The following R3HDM4 variants were observed in gnomAD, a reference collection of about 807,000 sequenced individuals.
R3HDM4 encodes R3H domain containing 4.
R3HDM4 carries 30 observed loss-of-function variants against 31.3 expected under a neutral mutation model. The observed-to-expected ratio is 0.96, with a 90% CI of 0.72 to 1.30. The LOEUF is 1.30. Among genes scored for constraint, R3HDM4 ranks in the 50% most tolerant of loss-of-function variants. R3HDM4 has a pLI of 0.00. For missense variants in R3HDM4, 444 were observed against 366.1 expected (o/e 1.21, Z -1.74); for synonymous variants, 196 against 156.6 (o/e 1.25, Z -1.88).
chr19:901,934 G>T (rs2036842482), intron 2 of R3HDM4, 42 bp downstream of exon 2: 2 of 1,608,378 alleles, frequency 1.2e-6, no homozygotes, highest in Non-Finnish European at 1.7e-6. Flanking sequence ...CATTCTACAA[G>T]GCCCAGGAGC....
At chr19:904,654 C>T (rs1046730111) in intron 1 of R3HDM4, among the ~76,000 whole-genome samples, 21 of 151,966 alleles carry the variant, frequency 1.4e-4, no homozygotes, top group South Asian at 4.2e-4. Context: ...GGCAACATCA[C>T]GGTCCCCGCT....
At chr19:903,390 C>T (rs1568341481) in intron 1 of R3HDM4, among the ~76,000 whole-genome samples, 1 of 152,164 alleles carries the variant, frequency 6.6e-6, no homozygotes, top group African/African-American at 2.4e-5. Context: ...ACCGAGAATC[C>T]AAGGGCCGAG....
In R3HDM4 at chr19:899,803, A is replaced by T; in HGVS notation, c.562-117T>A. The T allele has an allele frequency of 7.0e-6, 6 of 862,446 alleles. No homozygotes were observed. Among genetic ancestry groups the T allele is most frequent in the East Asian group, 5.3e-5 (2 of 37,470 alleles). The allele number at this position is 862,446 out of a possible 1,614,324, so 53.4% of individuals were successfully genotyped here. ...GCTCAAACATGACCTCTGACCCACC[A>T]CGTGAGGCTGCTTAAGTGTCTCTGA... On this transcript the variant is annotated intron_variant, in intron 5 of 7. Transcript: ENST00000361574. This position sits in a 1 kb window ranked among gnomAD's most constrained non-coding sequence, Gnocchi z 6.8.
At position 907,567 on chromosome 19, in the gene R3HDM4, A is replaced by G. The variant is rs1340208164; in HGVS notation, c.72-5437T>C. 6.6e-6 allele frequency among the ~76,000 whole-genome samples: 1 copy of G among 152,082 alleles called. No homozygotes were observed. Among genetic ancestry groups the G allele is most frequent in the Non-Finnish European group, 1.5e-5 (1 of 67,988 alleles). On this transcript the variant is annotated intron_variant, in intron 1 of 7. Transcript: ENST00000361574. This position sits in a 1 kb window ranked among gnomAD's most constrained non-coding sequence, Gnocchi z 4.1. ...GTGGGGCTGTCCCCCGTCACCACCC[A>G]GACAATGCAAGGAGCTGGATGTGAA...
In R3HDM4 at chr19:897,220, T is replaced by G; in HGVS notation, c.*217A>C. On this transcript the variant is annotated 3_prime_UTR_variant, in exon 8 of 8. Transcript: ENST00000361574. ...CCCCACCCAAACACAAGTCCCGGAG[T>G]GGGAAGCTTGGAGCTGGGATGGCAT... 6.1e-6 allele frequency: 3 copies of G among 493,992 alleles called. No homozygotes were observed. Among genetic ancestry groups the G allele is most frequent in the South Asian group, 3.2e-5 (1 of 31,740 alleles). The allele number at this position is 493,992 out of a possible 1,614,324, so 30.6% of individuals were successfully genotyped here.
At chr19:905,804 A>C (rs2036896578) in intron 1 of R3HDM4, among the ~76,000 whole-genome samples, 1 of 152,186 alleles carries the variant, frequency 6.6e-6, no homozygotes, top group African/African-American at 2.4e-5. Flanking sequence ...ATGAAAAGTC[A>C]TCAGAACAAA....
At chr19:901,237 G>A in intron 3 of R3HDM4, 185 bp downstream of exon 3, 1 of 705,778 alleles carries the variant, frequency 1.4e-6, no homozygotes, top group Non-Finnish European at 2.3e-6. Context: ...GGAGCTCGAA[G>A]GTTCCAGGGG....
rs897493460 is a variant in R3HDM4, at chr19:904,562, G to T, written c.72-2432C>A. On this transcript the variant is annotated intron_variant, in intron 1 of 7. Transcript: ENST00000361574. The stretch of plus-strand genomic sequence containing the variant: ...GATTCACTCGAGGCAAGCTGGGCGC[G>T]GTGGCTCATGCCTGTAATCCCAGAG... 3.9e-5 allele frequency among the ~76,000 whole-genome samples: 6 copies of T among 152,172 alleles called. No homozygotes were observed. The East Asian group carries it at 1.2e-3, about 29-fold the overall frequency.
chr19:904,411 G>T (rs1043867857), intron 1 of R3HDM4, among the ~76,000 whole-genome samples: 1 of 152,102 alleles, frequency 6.6e-6, no homozygotes, highest in African/African-American at 2.4e-5. Context: ...TTCCAAGAGA[G>T]CCCACAGTCG....
intron 1 of R3HDM4, among the ~76,000 whole-genome samples, chr19:903,327 G>A (rs1384567411): frequency 6.6e-6 from 1 of 151,938 alleles, no homozygotes; most frequent in Non-Finnish European, 1.5e-5. Flanking sequence ...GGCCTGGCCG[G>A]AGCAAATGGC....
chr19:912,603 G>T (rs1161500007), intron 1 of R3HDM4, among the ~76,000 whole-genome samples: 2 of 104,736 alleles, frequency 1.9e-5, no homozygotes, highest in African/African-American at 3.7e-5. Flanking sequence ...GGAGTGGGGG[G>T]AGTCGGACCC....
chr19:908,134 G>C (rs2036928773), intron 1 of R3HDM4, among the ~76,000 whole-genome samples: 1 of 152,052 alleles, frequency 6.6e-6, no homozygotes. Flanking sequence ...GGAGGTTGCA[G>C]TGAGCTGAGA....
Position 913,094 on chromosome 19 carries a change from G to GC in R3HDM4, c.63dup (p.Arg22AlafsTer119). Reference sequence around the variant, plus strand: ...CCGCCCGCCCGCGCTCACAGCAGCCGCCGCCCGCCCGGGGTGCCCTCCGCC... The same window carrying GC: ...CCGCCCGCCCGCGCTCACAGCAGCCGCCCGCCCGCCCGGGGTGCCCTCCGCC... On this transcript the variant is annotated frameshift_variant, in exon 1 of 8. Coordinates refer to ENST00000361574, the MANE Select transcript of R3HDM4 (RefSeq NM_138774.4). LOFTEE classifies it high-confidence loss of function. This position sits in a 1 kb window ranked among gnomAD's most constrained non-coding sequence, Gnocchi z 5.0. 2 of 1,063,170 alleles carry GC rather than the reference G, an allele frequency of 1.9e-6. No homozygotes were observed. The highest frequency in any genetic ancestry group is 2.3e-6 in the Non-Finnish European group (2 of 880,818). 65.9% of individuals were successfully genotyped at this position (1,063,170 alleles called of 1,614,324 possible).
intron 1 of R3HDM4, among the ~76,000 whole-genome samples, chr19:911,449 A>C (rs1199101483): frequency 6.6e-6 from 1 of 152,242 alleles, no homozygotes; most frequent in Admixed American, 6.5e-5. Flanking sequence ...GTCTCAAAAT[A>C]TTAATACTAC....
intron 1 of R3HDM4, among the ~76,000 whole-genome samples, chr19:903,676 G>T (rs1415881897): frequency 1.3e-5 from 2 of 152,208 alleles, no homozygotes; most frequent in African/African-American, 4.8e-5. Flanking sequence ...GATCCCTTGA[G>T]CCTGGGGAGT....
At position 902,128 on chromosome 19, in the gene R3HDM4, G is replaced by A. The variant is rs2036846083; in HGVS notation, c.74C>T (p.Pro25Leu). 7 of 1,612,608 alleles carry A rather than the reference G, an allele frequency of 4.3e-6. No individual in the cohort carries two copies. Among genetic ancestry groups the A allele is most frequent in the African/African-American group, 2.7e-5 (2 of 74,938 alleles). ...EGTPGGRRLL[P>L]LPSCLPALAS... ...TAGGGCAGGCAGGCAGCTGGGAAGG[G>A]GCCTGTGGGCCGGGGCAGGGGTGGT... is the stretch of plus-strand genomic sequence containing the variant. The change falls in exon 2 of 8, where the codon CCC becomes CTC. Residue 25 changes from proline (P) to leucine (L), a missense_variant and splice_region_variant. By Grantham distance (98) the Pro-to-Leu change is moderately conservative (BLOSUM62 -3). Transcript: ENST00000361574.
chr19:911,631 T>C (rs2036972187), intron 1 of R3HDM4, among the ~76,000 whole-genome samples: 1 of 152,206 alleles, frequency 6.6e-6, no homozygotes, highest in Non-Finnish European at 1.5e-5. Context: ...TGAAATAACC[T>C]GCCCAGGTGG....
In R3HDM4 at chr19:913,049, C is replaced by CT; in HGVS notation, c.71+37_71+38insA. ...ATCTCAGGGGAGGGAGCCCAGCCCG[C>CT]CCCCGGCGCCCGCCGCGCCCCGCCC... On this transcript the variant is annotated intron_variant, in intron 1 of 7. Transcript: ENST00000361574. The surrounding 1 kb of genome is among the most constrained non-coding windows in gnomAD (Gnocchi z 5.0). 1 of 875,938 alleles carries CT rather than the reference C, an allele frequency of 1.1e-6. No individual in the cohort carries two copies. Among genetic ancestry groups the CT allele is most frequent in the Non-Finnish European group, 1.4e-6 (1 of 720,122 alleles). 54.3% of individuals were successfully genotyped at this position (875,938 alleles called of 1,614,324 possible). A position where few individuals can be genotyped will look rare whatever the true frequency, so the allele number is the denominator to read the frequency against.
chr19:897,967 G>C (rs912268090), intron 7 of R3HDM4, among the ~76,000 whole-genome samples: 4 of 152,090 alleles, frequency 2.6e-5, no homozygotes, highest in Non-Finnish European at 5.9e-5. Flanking sequence ...CCCCCTCACT[G>C]CAGAAAAATG....
Sources: allele counts gnomAD v4.1 joint callset (sites outside exome capture counted in the v4.1 genomes callset), GRCh38; gene constraint gnomAD v4.1.1; non-coding constraint Gnocchi (gnomAD v3.1); transcripts MANE v1.5; gene names NCBI Gene and HGNC (gene_info 2026-07-23, HGNC 2026-07-21).